The following TPR variants were observed in gnomAD, a reference collection of about 807,000 sequenced individuals.
TPR encodes the protein translocated promoter region, nuclear basket protein, also known as nucleoprotein TPR.
TPR carries 51 observed loss-of-function variants against 316.1 expected under a neutral mutation model. That is an observed-to-expected ratio of 0.16 (90% CI 0.13 to 0.20). The LOEUF is 0.20. Among genes scored for constraint, TPR ranks in the 10% least tolerant of loss-of-function variants. TPR has a pLI of 1.00. For missense variants in TPR, 2,272 were observed against 2,754.8 expected, an observed-to-expected ratio of 0.82 and a Z score of 3.92; for synonymous variants, 981 against 914.7, an observed-to-expected ratio of 1.07 and a Z score of -1.31.
At chr1:186,314,827 C>A in intron 49 of TPR, 103 bp from the exon 50 acceptor site, 1 of 623,576 alleles carries the variant, frequency 1.6e-6, no homozygotes, top group South Asian at 2.5e-5. Flanking sequence ...AAGATGTAGA[C>A]TTGTTCATTT....
At chr1:186,327,699 T>C (rs767046097) in intron 39 of TPR, 39 bp from the exon 40 acceptor site, 67 of 1,559,912 alleles carry the variant, frequency 4.3e-5, no homozygotes, top group Non-Finnish European at 5.7e-5. Flanking sequence ...TTAAGAGCCC[T>C]ATAAACATAC....
chr1:186,332,745 A>C (rs561821494), intron 37 of TPR, among the ~76,000 whole-genome samples: 1 of 152,284 alleles, frequency 6.6e-6, no homozygotes, highest in South Asian at 2.1e-4. Flanking sequence ...ATATAGTCTT[A>C]TCTTAGGTGT....
At chr1:186,351,211 A>T in intron 20 of TPR, 119 bp downstream of exon 20, 1 of 1,243,254 alleles carries the variant, frequency 8.0e-7, no homozygotes, top group Non-Finnish European at 1.1e-6. Flanking sequence ...GAGGCAAGAA[A>T]AACTTAGTAA....
intron 12 of TPR, among the ~76,000 whole-genome samples, chr1:186,359,419 A>G (rs1275055876): frequency 6.6e-6 from 1 of 152,100 alleles, no homozygotes; most frequent in Non-Finnish European, 1.5e-5. Flanking sequence ...ATTTCTAGGC[A>G]GGCTATTACA....
intron 39 of TPR, among the ~76,000 whole-genome samples, chr1:186,328,109 C>T (rs1265573124): frequency 3.3e-5 from 5 of 152,022 alleles, no homozygotes; most frequent in Non-Finnish European, 7.4e-5. Context: ...AATGGCATTT[C>T]AAGTATTTTT....
intron 21 of TPR, among the ~76,000 whole-genome samples, chr1:186,349,800 G>A (rs1157116975): frequency 6.6e-6 from 1 of 152,120 alleles, no homozygotes; most frequent in Non-Finnish European, 1.5e-5. Context: ...CTACCAACGA[G>A]CAAATATTGG....
Position 186,351,450 on chromosome 1 carries a change from T to C in TPR, c.2490A>G (p.Glu830=). The C allele has an allele frequency of 6.2e-7, 1 of 1,609,382 alleles. No individual in the cohort carries two copies. The highest frequency in any genetic ancestry group is 8.5e-7 in the Non-Finnish European group (1 of 1,178,058). ...QTIQGILERS[E]TETKQRLSSQ... ...TACTAAGCCTTTGTTTGGTTTCTGTTTCAGATCGCTCCAGTATTCCCTAAA... is the reference window on the plus strand; with the variant it reads ...TACTAAGCCTTTGTTTGGTTTCTGTCTCAGATCGCTCCAGTATTCCCTAAA... The change falls in exon 20 of 51, where the codon GAA becomes GAG. Residue 830 remains glutamate, a synonymous_variant. Transcript: ENST00000367478.
chr1:186,328,555 A>C (rs1658066668), intron 39 of TPR, among the ~76,000 whole-genome samples: 1 of 151,472 alleles, frequency 6.6e-6, no homozygotes, highest in Non-Finnish European at 1.5e-5. Flanking sequence ...TCAGAAAAGA[A>C]AAAAAAAATA....
chr1:186,313,988 T>C lies in TPR; in HGVS notation c.7075A>G (p.Arg2359Gly). The C allele has an allele frequency of 6.2e-7, 1 of 1,611,910 alleles. No homozygotes were observed. The highest frequency in any genetic ancestry group is 8.5e-7 in the Non-Finnish European group (1 of 1,179,180). The change falls in exon 51 of 51, where the codon AGA becomes GGA. Residue 2359 changes from arginine to glycine, a missense_variant. Arg to Gly is a moderately radical substitution (Grantham distance 125, BLOSUM62 -2). Coordinates refer to ENST00000367478, the MANE Select transcript of TPR (RefSeq NM_003292.3). ...HAMGGRGGIN[R>G]GNIN ...CAGACCATTTAATTAATATTTCCTCTGTTTATTCCTCCTCTCCCTCCCATT... is the reference window on the plus strand; with the variant it reads ...CAGACCATTTAATTAATATTTCCTCCGTTTATTCCTCCTCTCCCTCCCATT...
intron 39 of TPR, among the ~76,000 whole-genome samples, chr1:186,328,088 T>G (rs1658053499): frequency 6.6e-6 from 1 of 152,136 alleles, no homozygotes; most frequent in East Asian, 1.9e-4. Flanking sequence ...CCAGCTACAT[T>G]TAATTTTAAA....
In TPR at chr1:186,359,992, T is replaced by C. The variant is rs368339967; in HGVS notation, c.1196A>G (p.Tyr399Cys). ...ATCCTGAGTTTCCACATAAGCATTA[T>C]AGAGCTGAAAGTAGACAAAGGGTTG... ...VKPGMKLTEL[Y>C]NAYVETQDQL... is the part of the protein sequence containing the mutation. The change falls in exon 12 of 51, where the codon TAT becomes TGT. Residue 399 changes from tyrosine (Y) to cysteine (C), a missense_variant. Transcript: ENST00000367478. 23 of 1,605,946 alleles carry C rather than the reference T, an allele frequency of 1.4e-5. No individual in the cohort carries two copies. The highest frequency in any genetic ancestry group is 1.1e-4 in the African/African-American group (8 of 74,410).
rs767190375 is a variant in TPR at position 186,322,350 on chromosome 1, T to C, written c.6429A>G (p.Pro2143=). The change falls in exon 45 of 51, where the codon CCA becomes CCG. Residue 2143 remains proline, a synonymous_variant. Transcript: ENST00000367478. ...TVPSTPTLVV[P]HRTDGFAEAI... ...CTTCAGCAAATCCATCAGTACGATG[T>C]GGCACCACAAGAGTTGGAGTACTTG... 5 of 1,613,316 alleles carry C rather than the reference T, an allele frequency of 3.1e-6. No homozygotes were observed. The highest frequency in any genetic ancestry group is 4.2e-6 in the Non-Finnish European group (5 of 1,179,782).
intron 21 of TPR, among the ~76,000 whole-genome samples, chr1:186,348,235 G>C (rs932207210): frequency 6.6e-6 from 1 of 152,126 alleles, no homozygotes; most frequent in Non-Finnish European, 1.5e-5. Context: ...AAAAGAATGC[G>C]TCCCTGGGGG....
At position 186,375,110 on chromosome 1, in the gene TPR, C is replaced by T; in HGVS notation, c.-82G>A. 3 of 1,570,562 alleles carry T rather than the reference C, an allele frequency of 1.9e-6. No individual in the cohort carries two copies. Among genetic ancestry groups the T allele is most frequent in the South Asian group, 2.3e-5 (2 of 87,072 alleles). The stretch of plus-strand genomic sequence containing the variant: ...AAGGCGAAGACCAGCAGGACCCAGA[C>T]GCCTGGGCCGCCGCCTCTATCACCT... On this transcript the variant is annotated 5_prime_UTR_variant, in exon 1 of 51. Transcript: ENST00000367478.
At chr1:186,320,247 C>T in intron 46 of TPR, 65 bp downstream of exon 46, 1 of 1,323,016 alleles carries the variant, frequency 7.6e-7, no homozygotes, top group Admixed American at 2.6e-5. Context: ...CCCCTTAAAT[C>T]ACATCTTAAT....
At chr1:186,347,612 T>C (rs1465415662) in intron 21 of TPR, among the ~76,000 whole-genome samples, 154 bp from the exon 22 acceptor site, 1 of 152,242 alleles carries the variant, frequency 6.6e-6, no homozygotes, top group African/African-American at 2.4e-5. Flanking sequence ...TAAAAGCAGG[T>C]ACTTTGTTAT....
intron 39 of TPR, among the ~76,000 whole-genome samples, chr1:186,329,632 A>G (rs1283380653): frequency 6.6e-6 from 1 of 152,164 alleles, no homozygotes; most frequent in Non-Finnish European, 1.5e-5. Flanking sequence ...CGTGGCTTGC[A>G]ATGTTGGCAC....
Position 186,367,923 on chromosome 1 carries a change from G to A in TPR, c.390C>T (p.Thr130=). Residue 130 remains threonine (T), a synonymous_variant, in exon 4 of 51, where the codon ACC becomes ACT. Coordinates refer to ENST00000367478, the MANE Select transcript of TPR (RefSeq NM_003292.3). The stretch of plus-strand genomic sequence containing the variant: ...CAAGTTCTTGAGATAGTCTCTCATT[G>A]GTTCTAATTAAGTCTCTTTTCTCAG... ...LEAEKRDLIR[T]NERLSQELEY... 1 of 1,611,440 alleles carries A rather than the reference G, an allele frequency of 6.2e-7. No individual in the cohort carries two copies. The highest frequency in any genetic ancestry group is 1.1e-5 in the South Asian group (1 of 91,040).
chr1:186,336,377 C>T, intron 33 of TPR, 119 bp downstream of exon 33: 1 of 885,916 alleles, frequency 1.1e-6, no homozygotes, highest in East Asian at 2.5e-5. Flanking sequence ...TTAAAGCACA[C>T]ATACACACAC....
Sources: allele counts gnomAD v4.1 joint callset (sites outside exome capture counted in the v4.1 genomes callset), GRCh38; gene constraint gnomAD v4.1.1; transcripts MANE v1.5; gene names NCBI Gene and HGNC (gene_info 2026-07-23, HGNC 2026-07-21).